Variants in CSMD3 observed in about 807,000 individuals in gnomAD.
The protein encoded by CSMD3 is CUB and sushi domain-containing protein 3.
In CSMD3, 177 loss-of-function variants were observed where a neutral mutation model predicts 435.2. The observed-to-expected ratio is 0.41, with a 90% CI of 0.36 to 0.46. The LOEUF is 0.46. Among genes scored for constraint, CSMD3 ranks in the 20% least tolerant of loss-of-function variants. The pLI is 0.34. For missense variants in CSMD3, 4,265 were observed against 4,504.6 expected, an observed-to-expected ratio of 0.95 and a Z score of 1.52; for synonymous variants, 1,656 against 1,520.5, an observed-to-expected ratio of 1.09 and a Z score of -2.07.
At chr8:112,467,601 T>A (rs1391720154) in intron 32 of CSMD3, among the ~76,000 whole-genome samples, 3 of 152,120 alleles carry the variant, frequency 2.0e-5, no homozygotes. Flanking sequence ...AAGCCCGGAA[T>A]GTCACCATAT....
At chr8:112,295,312 C>G (rs1052870810) in intron 54 of CSMD3, among the ~76,000 whole-genome samples, 1 of 151,986 alleles carries the variant, frequency 6.6e-6, no homozygotes, top group Non-Finnish European at 1.5e-5. Flanking sequence ...CATCAGAGGA[C>G]CTGAAATGAG....
chr8:113,362,452 T>C (rs1180333466), intron 1 of CSMD3, among the ~76,000 whole-genome samples: 2 of 152,166 alleles, frequency 1.3e-5, no homozygotes, highest in Non-Finnish European at 2.9e-5. Flanking sequence ...TAATAAAAAG[T>C]ATCTGCATAA....
At chr8:113,108,100 T>G (rs2131586113) in intron 4 of CSMD3, among the ~76,000 whole-genome samples, 1 of 151,884 alleles carries the variant, frequency 6.6e-6, no homozygotes, top group East Asian at 1.9e-4. Context: ...CAAAACAAAG[T>G]AAAACAATGG....
intron 2 of CSMD3, among the ~76,000 whole-genome samples, chr8:113,307,101 T>C (rs999370974): frequency 2.0e-5 from 3 of 152,026 alleles, no homozygotes; most frequent in South Asian, 2.1e-4. Context: ...AAAAATATTA[T>C]ATATAGTCAC....
intron 17 of CSMD3, among the ~76,000 whole-genome samples, chr8:112,664,808 G>A (rs746705049): frequency 3.3e-5 from 5 of 152,230 alleles, no homozygotes; most frequent in East Asian, 1.9e-4. Context: ...GGCAAAGGGA[G>A]AATCCAGAAT....
rs561734403 is a variant in CSMD3, at chr8:112,318,944, A to G, written c.7253T>C (p.Ile2418Thr). 4 of 1,589,136 alleles carry G rather than the reference A, an allele frequency of 2.5e-6. No homozygotes were observed. The South Asian group carries it at 4.4e-5, about 18-fold the overall frequency. ...TEDDEFEIGDIIRYQCLPGFT... is the reference protein window; with the variant it reads ...TEDDEFEIGDTIRYQCLPGFT... ...TCCTGGAAGACACTGATACCTAATA[A>G]TATCACCTATTAAACAAAAGAGGGG... Residue 2418 changes from isoleucine to threonine, a missense_variant, in exon 47 of 71, where the codon ATT (isoleucine) becomes ACT (threonine). Physicochemically the swap from Ile to Thr is moderately conservative, Grantham distance 89 (BLOSUM62 -1). Coordinates refer to ENST00000297405, the MANE Select transcript of CSMD3 (RefSeq NM_198123.2).
intron 5 of CSMD3, among the ~76,000 whole-genome samples, chr8:113,055,275 G>A (rs1250366139): frequency 1.3e-5 from 2 of 152,102 alleles, no homozygotes; most frequent in Admixed American, 1.3e-4. Flanking sequence ...TCAGCCTCCT[G>A]AGTAGCTGGG....
chr8:113,103,693 A>C (rs1827626), intron 4 of CSMD3, among the ~76,000 whole-genome samples: 102,057 of 151,808 alleles, frequency 0.67, 35,926 homozygotes, highest in East Asian at 0.95. Context: ...ATATAAATCT[A>C]TCATCAAATA....
intron 17 of CSMD3, among the ~76,000 whole-genome samples, chr8:112,660,959 G>A (rs1183416186): frequency 6.6e-6 from 1 of 152,112 alleles, no homozygotes; most frequent in Non-Finnish European, 1.5e-5. Context: ...GTCCAGCTTG[G>A]TGATGTCCAT....
chr8:113,429,589 G>T (rs1270664111), intron 1 of CSMD3, among the ~76,000 whole-genome samples: 1 of 151,900 alleles, frequency 6.6e-6, no homozygotes, highest in African/African-American at 2.4e-5. Context: ...ATCTCCTTTT[G>T]TCTTCTACCA....
rs1022427239 is a variant in CSMD3 at position 113,045,755 on chromosome 8, A to C, written c.918-26576T>G. On this transcript the variant is annotated intron_variant, in intron 5 of 70. Coordinates refer to ENST00000297405, the MANE Select transcript of CSMD3 (RefSeq NM_198123.2). ...TTCTTCTCAGGCTAAAATTCAACTT[A>C]CACTTGTGCCTCACCAGCACGAAAC... 2.8e-4 allele frequency among the ~76,000 whole-genome samples: 42 copies of C among 149,546 alleles called. 7 individuals carry two copies. Among genetic ancestry groups the C allele is most frequent in the Non-Finnish European group, 1.2e-4 (8 of 66,396 alleles).
At chr8:113,215,014 C>T (rs1412652604) in intron 3 of CSMD3, among the ~76,000 whole-genome samples, 3 of 151,704 alleles carry the variant, frequency 2.0e-5, no homozygotes, top group Admixed American at 2.0e-4. Context: ...TGTAAAGAGA[C>T]ATATTGTAAA....
At chr8:113,079,614 T>C (rs1344031010) in intron 5 of CSMD3, among the ~76,000 whole-genome samples, 2 of 152,142 alleles carry the variant, frequency 1.3e-5, no homozygotes, top group African/African-American at 2.4e-5. Flanking sequence ...CTCAGTCTTC[T>C]TGTAGAAACT....
At chr8:112,716,179 T>C (rs1378884432) in intron 13 of CSMD3, among the ~76,000 whole-genome samples, 1 of 152,176 alleles carries the variant, frequency 6.6e-6, no homozygotes, top group Non-Finnish European at 1.5e-5. Flanking sequence ...CAAAACTCCA[T>C]TGTCTCAGCC....
chr8:112,801,786 C>A (rs1473559984), intron 12 of CSMD3, among the ~76,000 whole-genome samples: 1 of 151,832 alleles, frequency 6.6e-6, no homozygotes, highest in East Asian at 1.9e-4. Flanking sequence ...AAAGTAAACC[C>A]ATTATTAAAC....
chr8:113,088,151 C>G (rs1480604326), intron 5 of CSMD3, among the ~76,000 whole-genome samples: 1 of 149,706 alleles, frequency 6.7e-6, no homozygotes, highest in Non-Finnish European at 1.5e-5. Flanking sequence ...AAATCAAAAC[C>G]ACAATGAGAT....
At chr8:113,223,750 TTATGTGTGTG>T (rs1425696831) in intron 3 of CSMD3, among the ~76,000 whole-genome samples, 5 of 121,396 alleles carry the variant, frequency 4.1e-5, no homozygotes, top group African/African-American at 7.7e-5. Flanking sequence ...CTGTGTGTGT[TTATGTGTGTG>T]TATGTGTGTG....
chr8:112,852,113 GA>G (rs2129739858), intron 11 of CSMD3, among the ~76,000 whole-genome samples: 1 of 152,188 alleles, frequency 6.6e-6, no homozygotes, highest in African/African-American at 2.4e-5. Context: ...TTCAGTACCT[GA>G]AAAAGGGACT....
At chr8:112,320,858 C>T (rs1822930969) in intron 45 of CSMD3, among the ~76,000 whole-genome samples, 1 of 152,100 alleles carries the variant, frequency 6.6e-6, no homozygotes, top group East Asian at 1.9e-4. Flanking sequence ...CCTTGTCTTG[C>T]CATGCTACTT....
Sources: gnomAD v4.1 joint callset for allele counts (sites outside exome capture counted in the v4.1 genomes callset) on GRCh38, gnomAD v4.1.1 for gene constraint, MANE v1.5 for transcripts, NCBI Gene and HGNC (gene_info 2026-07-23, HGNC 2026-07-21) for gene names.